CNTN5: variants seen among roughly 807,000 people sequenced by gnomAD.
CNTN5 encodes the protein contactin 5.
CNTN5 carries 77 observed loss-of-function variants against 129.1 expected under a neutral mutation model. The observed-to-expected ratio is 0.60, with a 90% CI of 0.50 to 0.72. The LOEUF is 0.72. CNTN5 is among the 30% of genes least tolerant of loss of function. The pLI is 0.00. For synonymous variants in CNTN5, 509 were observed against 465.6 expected, an observed-to-expected ratio of 1.09 and a Z score of -1.20; for missense variants, 1,478 against 1,328.8, an observed-to-expected ratio of 1.11 and a Z score of -1.75.
intron 13 of CNTN5, among the ~76,000 whole-genome samples, chr11:100,134,047 A>G (rs1946454706): frequency 6.6e-6 from 1 of 152,176 alleles, no homozygotes; most frequent in Admixed American, 6.6e-5. Flanking sequence ...AAATGGAAAA[A>G]TGAGATAAAT....
At chr11:99,853,601 A>G (rs925592965) in intron 6 of CNTN5, among the ~76,000 whole-genome samples, 2 of 152,058 alleles carry the variant, frequency 1.3e-5, no homozygotes, top group Admixed American at 6.6e-5. Context: ...GGGTTTCTCC[A>G]TGTTGGTCAG....
chr11:99,852,235 A>C (rs1462323497), intron 6 of CNTN5, among the ~76,000 whole-genome samples: 2 of 152,218 alleles, frequency 1.3e-5, no homozygotes, highest in Non-Finnish European at 2.9e-5. Flanking sequence ...TTTGGTCATA[A>C]TAGATACAGT....
At chr11:99,778,130 C>A (rs1477467498) in intron 3 of CNTN5, among the ~76,000 whole-genome samples, 2 of 151,742 alleles carry the variant, frequency 1.3e-5, no homozygotes, top group Non-Finnish European at 2.9e-5. Context: ...AGTGTTTAAG[C>A]CTTGTTCTCT....
chr11:99,906,831 C>T (rs1184042157), intron 6 of CNTN5, among the ~76,000 whole-genome samples: 1 of 151,932 alleles, frequency 6.6e-6, no homozygotes, highest in African/African-American at 2.4e-5. Context: ...GAGTTTGTTA[C>T]TGGTCTATTC....
At chr11:100,029,151 T>C (rs544893179) in intron 9 of CNTN5, among the ~76,000 whole-genome samples, 5 of 133,730 alleles carry the variant, frequency 3.7e-5, no homozygotes, top group African/African-American at 1.3e-4. Flanking sequence ...GATTCAGATA[T>C]AGAAAAAAAA....
At chr11:99,685,051 A>G (rs909763216) in intron 3 of CNTN5, among the ~76,000 whole-genome samples, 1 of 151,598 alleles carries the variant, frequency 6.6e-6, no homozygotes, top group African/African-American at 2.4e-5. Flanking sequence ...GTATTTAAAC[A>G]TAAATTTTCT....
chr11:99,282,133 G>GA (rs908767177), intron 1 of CNTN5, among the ~76,000 whole-genome samples: 1 of 151,912 alleles, frequency 6.6e-6, no homozygotes, highest in South Asian at 2.1e-4. Flanking sequence ...TTCACGATCT[G>GA]AAAAAAATGT....
chr11:100,152,926 A>G (rs1431355701), intron 13 of CNTN5, among the ~76,000 whole-genome samples: 1 of 152,078 alleles, frequency 6.6e-6, no homozygotes, highest in Non-Finnish European at 1.5e-5. Context: ...TCCTCAGGGC[A>G]TGCCCTGAGC....
At chr11:99,163,414 A>T (rs1451704012) in intron 1 of CNTN5, among the ~76,000 whole-genome samples, 1 of 151,840 alleles carries the variant, frequency 6.6e-6, no homozygotes, top group Non-Finnish European at 1.5e-5. Context: ...TGAGTTATGT[A>T]TGCTAGTTTT....
chr11:99,972,418 G>C (rs919280195), intron 8 of CNTN5, among the ~76,000 whole-genome samples: 1 of 152,098 alleles, frequency 6.6e-6, no homozygotes, highest in African/African-American at 2.4e-5. Flanking sequence ...ACTTTGTTTG[G>C]AAATACAAGG....
intron 4 of CNTN5, among the ~76,000 whole-genome samples, chr11:99,825,810 G>A (rs985809876): frequency 6.6e-5 from 10 of 151,830 alleles, no homozygotes; most frequent in Admixed American, 1.3e-4. Context: ...TCTAATGCTT[G>A]CCATTTTGTA....
chr11:100,072,579 G>T (rs1046637646), intron 12 of CNTN5, among the ~76,000 whole-genome samples: 1 of 152,172 alleles, frequency 6.6e-6, no homozygotes, highest in African/African-American at 2.4e-5. Flanking sequence ...TCTTTCCAAA[G>T]CGGGCAGAAG....
At chr11:100,213,252 G>C (rs1333284729) in intron 15 of CNTN5, among the ~76,000 whole-genome samples, 1 of 152,044 alleles carries the variant, frequency 6.6e-6, no homozygotes, top group African/African-American at 2.4e-5. Flanking sequence ...TATGATAATT[G>C]GTGTTGCAAT....
At chr11:100,308,815 T>C (rs2138923090) in intron 21 of CNTN5, 1 of 987,930 alleles carries the variant, frequency 1.0e-6, no homozygotes, top group African/African-American at 1.7e-5. Flanking sequence ...AATGTATAAA[T>C]ACAAGTTTTC....
At chr11:99,626,843 T>A (rs1245162556) in intron 3 of CNTN5, among the ~76,000 whole-genome samples, 2 of 152,152 alleles carry the variant, frequency 1.3e-5, no homozygotes, top group African/African-American at 2.4e-5. Flanking sequence ...TTGATCATTA[T>A]ACATTCTATG....
intron 18 of CNTN5, among the ~76,000 whole-genome samples, chr11:100,284,071 T>A (rs1950707871): frequency 6.6e-6 from 1 of 152,228 alleles, no homozygotes. Flanking sequence ...CTCACAATTG[T>A]TGCACTCTCC....
At chr11:100,172,065 T>G (rs1947843357) in intron 13 of CNTN5, among the ~76,000 whole-genome samples, 2 of 152,000 alleles carry the variant, frequency 1.3e-5, no homozygotes, top group Non-Finnish European at 2.9e-5. Flanking sequence ...AAAAAATATT[T>G]TAGCAGTGGA....
intron 1 of CNTN5, among the ~76,000 whole-genome samples, chr11:99,105,367 A>G (rs957238468): frequency 6.6e-6 from 1 of 152,196 alleles, no homozygotes; most frequent in African/African-American, 2.4e-5. Flanking sequence ...TACTTGTGCA[A>G]AGAATATGTT....
chr11:99,248,510 T>G (rs1335231106), intron 1 of CNTN5, among the ~76,000 whole-genome samples: 1 of 152,180 alleles, frequency 6.6e-6, no homozygotes, highest in Non-Finnish European at 1.5e-5. Flanking sequence ...CCATTGCTTT[T>G]GGTGTTTTAG....
Sources: allele counts gnomAD v4.1 joint callset (sites outside exome capture counted in the v4.1 genomes callset), GRCh38; gene constraint gnomAD v4.1.1; transcripts MANE v1.5; gene names NCBI Gene and HGNC (gene_info 2026-07-23, HGNC 2026-07-21).